The following MDH1 variants were observed in gnomAD, a reference collection of about 807,000 sequenced individuals.
The protein encoded by MDH1 is malate dehydrogenase 1, also known as malate dehydrogenase, cytoplasmic.
Under a neutral mutation model 38.7 loss-of-function variants are expected in MDH1, and 15 were observed. That is an observed-to-expected ratio of 0.39 (90% CI 0.26 to 0.60). The LOEUF (loss-of-function observed/expected upper bound fraction) is 0.60. Ranked by LOEUF, MDH1 falls within the 20% of genes least tolerant of loss-of-function variation. The pLI is 0.56. For synonymous variants in MDH1, 144 were observed against 143.6 expected (o/e 1.00, Z -0.02); for missense variants, 368 against 405.2 (o/e 0.91, Z 0.79).
Position 63,595,416 on chromosome 2 carries a change from T to C in MDH1, c.103-7T>C. ...CACTAACAGATGCTGTCCTTGCTAT[T>C]TGGTAGCCTATAATTCTTGTGCTGT... On this transcript the variant is annotated splice_polypyrimidine_tract_variant and splice_region_variant and intron_variant, in intron 2 of 8. Coordinates refer to ENST00000233114, the MANE Select transcript of MDH1 (RefSeq NM_005917.4). 1.3e-6 allele frequency: 2 copies of C among 1,574,900 alleles called. No individual in the cohort carries two copies. Among genetic ancestry groups the C allele is most frequent in the Admixed American group, 1.7e-5 (1 of 59,962 alleles).
At chr2:63,590,856 G>A (rs1709185578) in intron 1 of MDH1, 1 of 152,196 alleles carries the variant, frequency 6.6e-6, no homozygotes, top group Non-Finnish European at 1.5e-5. Flanking sequence ...GTGTGTGAAT[G>A]GACAGAGTTA....
intron 8 of MDH1, 133 bp downstream of exon 8, chr2:63,606,161 T>G: frequency 2.4e-6 from 2 of 837,234 alleles, no homozygotes; most frequent in Non-Finnish European, 4.0e-6. Flanking sequence ...GTGGCAAGAT[T>G]GCTTGAGCCC....
rs36004139 is a variant in MDH1, at chr2:63,598,933, T to C, written c.376-237T>C. ...AAAAAAAGATATATGGGAGTCAGTC[T>C]CTGTAATATGGTTGTAACTTTTCTA... On this transcript the variant is annotated intron_variant, in intron 4 of 8. Coordinates refer to ENST00000233114, the MANE Select transcript of MDH1 (RefSeq NM_005917.4). 2.1e-3 allele frequency among the ~76,000 whole-genome samples: 321 copies of C among 151,572 alleles called. 1 individual carries two copies. Among genetic ancestry groups the C allele is most frequent in the African/African-American group, 6.9e-3 (287 of 41,472 alleles).
At chr2:63,589,244 T>C (rs977525408) in intron 1 of MDH1, 198 bp downstream of exon 1, 19 of 1,554,246 alleles carry the variant, frequency 1.2e-5, no homozygotes, top group Non-Finnish European at 1.6e-5. Context: ...TTGCGGGGTA[T>C]GGGGCGCTCT....
At chr2:63,602,427 G>T (rs1709441518) in intron 5 of MDH1, among the ~76,000 whole-genome samples, 1 of 144,126 alleles carries the variant, frequency 6.9e-6, no homozygotes, top group African/African-American at 2.6e-5. Context: ...TACAGAGAAG[G>T]CCCATGTACC....
chr2:63,599,663 C>G (rs955813932), intron 5 of MDH1: 2 of 153,210 alleles, frequency 1.3e-5, no homozygotes, highest in Non-Finnish European at 2.9e-5. Context: ...AAGACTTGAG[C>G]TTTGTGTGAT....
intron 5 of MDH1, among the ~76,000 whole-genome samples, chr2:63,601,146 T>TGG (rs1709410418): frequency 6.6e-6 from 1 of 152,224 alleles, no homozygotes; most frequent in African/African-American, 2.4e-5. Context: ...CCTGGGACCT[T>TGG]GGCTAGGCAT....
chr2:63,599,057 C>T, intron 4 of MDH1, 113 bp from the exon 5 acceptor site: 3 of 973,432 alleles, frequency 3.1e-6, no homozygotes, highest in East Asian at 2.8e-5. Flanking sequence ...TTGGTGTTTC[C>T]CAAGCCTCCC....
chr2:63,605,772 T>G (rs1043575485), intron 7 of MDH1, 167 bp from the exon 8 acceptor site: 2 of 638,464 alleles, frequency 3.1e-6, no homozygotes, highest in Non-Finnish European at 5.6e-6. Flanking sequence ...TGAAATAATA[T>G]CCATGAAAGT....
intron 1 of MDH1, chr2:63,589,470 ACCTTG>A: frequency 7.5e-7 from 1 of 1,340,526 alleles, no homozygotes; most frequent in Admixed American, 2.0e-5. Flanking sequence ...TGTCACAGGG[ACCTTG>A]AAAGCAAAAA....
chr2:63,600,529 A>C (rs765504935), intron 5 of MDH1, among the ~76,000 whole-genome samples: 2 of 152,306 alleles, frequency 1.3e-5, no homozygotes, highest in Admixed American at 1.3e-4. Flanking sequence ...AATTGTATCT[A>C]CCTCAGAGAG....
At chr2:63,600,555 A>G (rs1438262430) in intron 5 of MDH1, among the ~76,000 whole-genome samples, 1 of 152,234 alleles carries the variant, frequency 6.6e-6, no homozygotes, top group Non-Finnish European at 1.5e-5. Flanking sequence ...ATGAGGATTA[A>G]ATAAGATCTG....
At chr2:63,606,733 C>G (rs979789940) in intron 8 of MDH1, 129 bp from the exon 9 acceptor site, 1 of 462,692 alleles carries the variant, frequency 2.2e-6, no homozygotes, top group Non-Finnish European at 3.4e-6. Context: ...TAATTAAAAT[C>G]TGGATTTTTA....
At chr2:63,602,594 T>C (rs1453116215) in intron 5 of MDH1, among the ~76,000 whole-genome samples, 3 of 152,168 alleles carry the variant, frequency 2.0e-5, no homozygotes, top group Non-Finnish European at 4.4e-5. Context: ...CTATGACATT[T>C]AATTACAAGT....
intron 4 of MDH1, 131 bp downstream of exon 4, chr2:63,597,705 A>G: frequency 1.3e-6 from 1 of 784,830 alleles, no homozygotes; most frequent in Non-Finnish European, 1.8e-6. Flanking sequence ...ATACGGCTCT[A>G]GAGTTTTGCT....
intron 5 of MDH1, among the ~76,000 whole-genome samples, chr2:63,602,595 A>C (rs1287393727): frequency 1.3e-5 from 2 of 152,050 alleles, no homozygotes; most frequent in Non-Finnish European, 2.9e-5. Flanking sequence ...TATGACATTT[A>C]ATTACAAGTG....
At chr2:63,606,156 A>C in intron 8 of MDH1, 128 bp downstream of exon 8, 1 of 879,560 alleles carries the variant, frequency 1.1e-6, no homozygotes, top group Non-Finnish European at 1.9e-6. Context: ...GCAAGGTGGC[A>C]AGATTGCTTG....
rs769935321 is a variant in MDH1, at chr2:63,599,287, G to A, written c.493G>A (p.Ala165Thr). 2.5e-6 allele frequency: 4 copies of A among 1,609,652 alleles called. No homozygotes were observed. The highest frequency in any genetic ancestry group is 3.4e-6 in the Non-Finnish European group (4 of 1,177,968). Residue 165 changes from alanine to threonine, a missense_variant, in exon 5 of 9, where the codon GCT becomes ACT. Transcript: ENST00000233114. ...TCGTTTGGATCACAACCGAGCTAAAGCTCAAGTAAGAAAAATATATTTTAA... is the reference window on the plus strand; with the variant it reads ...TCGTTTGGATCACAACCGAGCTAAAACTCAAGTAAGAAAAATATATTTTAA... ...LTRLDHNRAK[A>T]QIALKLGVTA...
chr2:63,603,087 G>A (rs1044296410), intron 5 of MDH1, among the ~76,000 whole-genome samples: 6 of 151,924 alleles, frequency 3.9e-5, no homozygotes, highest in Admixed American at 3.9e-4. Context: ...AGCCTCCTGA[G>A]TAGCTGGGAT....
Sources: gnomAD v4.1 joint callset for allele counts (sites outside exome capture counted in the v4.1 genomes callset) on GRCh38, gnomAD v4.1.1 for gene constraint, MANE v1.5 for transcripts, NCBI Gene and HGNC (gene_info 2026-07-23, HGNC 2026-07-21) for gene names.